The following GABRB1 variants were observed in gnomAD, a reference collection of about 807,000 sequenced individuals.
GABRB1 encodes the protein gamma-aminobutyric acid receptor subunit beta-1.
In GABRB1, 17 loss-of-function variants were observed where a neutral mutation model predicts 51.6. The ratio of observed to expected loss-of-function variants is 0.33; its 90% CI spans 0.23 to 0.49. The LOEUF (loss-of-function observed/expected upper bound fraction) is 0.49, where lower values mean the gene tolerates loss of function less well. Among genes scored for constraint, GABRB1 ranks in the 20% least tolerant of loss-of-function variants. GABRB1 has a pLI of 0.99. For synonymous variants in GABRB1, 247 were observed against 218.9 expected, an observed-to-expected ratio of 1.13 and a Z score of -1.14; for missense variants, 410 against 600.6, an observed-to-expected ratio of 0.68 and a Z score of 3.32.
At position 46,999,452 on chromosome 4, in the gene GABRB1, T is replaced by A. The variant is rs954158673; in HGVS notation, c.-20+5526T>A. On this transcript the variant is annotated intron_variant, in intron 1 of 3. Transcript: ENST00000513567. The stretch of plus-strand genomic sequence containing the variant: ...GACATCTAAAATATGTTACGTTGTT[T>A]GTAATAGTGGAAACTTAGAAACAAA... 2.0e-5 allele frequency among the ~76,000 whole-genome samples: 3 copies of A among 152,208 alleles called. No individual in the cohort carries two copies. The South Asian group carries it at 6.2e-4, about 31-fold the overall frequency.
In GABRB1 at chr4:47,383,490, T is replaced by TA. The variant is rs201254882; in HGVS notation, c.545-19818dup. On this transcript the variant is annotated intron_variant, in intron 5 of 8. Coordinates refer to ENST00000295454, the MANE Select transcript of GABRB1 (RefSeq NM_000812.4). ...TGAGACTAAAATGATAGATTATACCTAAAAAAAAAATCAGGGACTAGGCAA... is the reference window on the plus strand; with the variant it reads ...TGAGACTAAAATGATAGATTATACCTAAAAAAAAAAATCAGGGACTAGGCAA... Among the ~76,000 whole-genome samples the TA allele has an allele frequency of 6.7e-4, 100 of 149,002 alleles. No homozygotes were observed. The South Asian group carries it at 8.3e-3, about 12-fold the overall frequency.
intron 8 of GABRB1, among the ~76,000 whole-genome samples, chr4:47,417,454 C>T (rs547587712): frequency 6.6e-6 from 1 of 151,922 alleles, no homozygotes; most frequent in East Asian, 1.9e-4. Flanking sequence ...ATCTCCTCCC[C>T]CCGAGAAAAG....
intron 4 of GABRB1, among the ~76,000 whole-genome samples, chr4:47,304,182 T>C (rs34112464): frequency 0.21 from 32,247 of 151,898 alleles, 4,371 homozygotes; most frequent in Middle Eastern, 0.39. Flanking sequence ...CAGGATCATA[T>C]GGTAGTTCTA....
chr4:47,030,976 G>T (rs1480443046), upstream of GABRB1, among the ~76,000 whole-genome samples: 3 of 152,090 alleles, frequency 2.0e-5, no homozygotes, highest in Non-Finnish European at 4.4e-5. Context: ...AGAAAAGTTG[G>T]CTTGCCCCTC....
At chr4:47,298,753 G>A (rs1724117957) in intron 4 of GABRB1, among the ~76,000 whole-genome samples, 1 of 152,054 alleles carries the variant, frequency 6.6e-6, no homozygotes, top group South Asian at 2.1e-4. Context: ...AAGTTCATAT[G>A]GAAACAAAAA....
intron 4 of GABRB1, among the ~76,000 whole-genome samples, chr4:47,312,966 A>G (rs1724758544): frequency 6.6e-6 from 1 of 152,178 alleles, no homozygotes; most frequent in South Asian, 2.1e-4. Flanking sequence ...CATTAAATAT[A>G]CATGATTTGC....
intron 5 of GABRB1, among the ~76,000 whole-genome samples, chr4:47,403,075 G>A (rs1018325756): frequency 2.6e-5 from 4 of 152,166 alleles, no homozygotes; most frequent in African/African-American, 9.7e-5. Flanking sequence ...TTGCAGCAAT[G>A]ACATCAGATA....
At chr4:47,416,956 A>T (rs1307280921) in intron 8 of GABRB1, among the ~76,000 whole-genome samples, 2 of 152,200 alleles carry the variant, frequency 1.3e-5, no homozygotes, top group South Asian at 2.1e-4. Flanking sequence ...AAAATTTTTT[A>T]AAAAAGAAAA....
intron 4 of GABRB1, among the ~76,000 whole-genome samples, chr4:47,289,569 G>T (rs1350401181): frequency 2.0e-5 from 3 of 152,144 alleles, no homozygotes; most frequent in African/African-American, 7.2e-5. Flanking sequence ...TTTGATTTCT[G>T]CTCACCATGG....
At chr4:47,252,411 G>C (rs1386762343) in intron 4 of GABRB1, among the ~76,000 whole-genome samples, 3 of 151,868 alleles carry the variant, frequency 2.0e-5, no homozygotes, top group Admixed American at 6.6e-5. Flanking sequence ...TCCTTCAGAG[G>C]GTCTGTGGGT....
At chr4:47,182,582 G>T (rs185539183) in intron 4 of GABRB1, among the ~76,000 whole-genome samples, 1 of 151,928 alleles carries the variant, frequency 6.6e-6, no homozygotes, top group Non-Finnish European at 1.5e-5. Context: ...TAATTATTCT[G>T]GTCCTTCTCT....
Position 47,008,852 on chromosome 4 carries a change from CCTTTTT to C in GABRB1, c.-20+14927_-20+14932del, listed in dbSNP as rs1263062108. Among the ~76,000 whole-genome samples, 76 of 56,478 alleles carry C rather than the reference CCTTTTT, an allele frequency of 1.3e-3. 19 individuals carry two copies. Among genetic ancestry groups the C allele is most frequent in the South Asian group, 7.0e-3 (9 of 1,294 alleles). The allele number at this position is 56,478 out of a possible 152,430, so 37.1% of individuals were successfully genotyped here. A position where few individuals can be genotyped will look rare whatever the true frequency, so the allele number is the denominator to read the frequency against. Reference sequence around the variant, plus strand: ...CACCCTGTCACGCTATCAGATACTACCTTTTTTTTTTTTTTTTTTTTTTTTTTTTTG... The same window carrying C: ...CACCCTGTCACGCTATCAGATACTACTTTTTTTTTTTTTTTTTTTTTTTTG... On this transcript the variant is annotated intron_variant, in intron 1 of 3. Coordinates refer to the GABRB1 transcript ENST00000513567.
chr4:47,011,418 C>T (rs1577822992), intron 1 of GABRB1, among the ~76,000 whole-genome samples: 1 of 152,206 alleles, frequency 6.6e-6, no homozygotes, highest in East Asian at 1.9e-4. Context: ...CTGAGGACTT[C>T]TACCTTGGGT....
At chr4:47,270,084 G>T (rs73247690) in intron 4 of GABRB1, among the ~76,000 whole-genome samples, 3 of 152,016 alleles carry the variant, frequency 2.0e-5, no homozygotes, top group Admixed American at 6.6e-5. Flanking sequence ...TGTCCAGTTC[G>T]CCTTTGGATT....
At chr4:47,315,259 C>T (rs867371476) in intron 4 of GABRB1, among the ~76,000 whole-genome samples, 8 of 151,896 alleles carry the variant, frequency 5.3e-5, no homozygotes, top group East Asian at 3.9e-4. Flanking sequence ...AAGACATACA[C>T]GCATCCAACA....
At chr4:47,134,484 T>C (rs1716555996) in intron 3 of GABRB1, among the ~76,000 whole-genome samples, 1 of 152,068 alleles carries the variant, frequency 6.6e-6, no homozygotes, top group Non-Finnish European at 1.5e-5. Context: ...ATTTCAAATA[T>C]TAATGAGAGG....
chr4:47,407,671 G>A (rs908664501), intron 8 of GABRB1, among the ~76,000 whole-genome samples: 1 of 152,110 alleles, frequency 6.6e-6, no homozygotes, highest in Non-Finnish European at 1.5e-5. Context: ...GTTCATTTAG[G>A]CACTGTTCTA....
chr4:47,378,352 G>A (rs959880780), intron 5 of GABRB1, among the ~76,000 whole-genome samples: 1 of 152,300 alleles, frequency 6.6e-6, no homozygotes, highest in African/African-American at 2.4e-5. Flanking sequence ...CTCCAAGTGC[G>A]GGGCTTGCCA....
At chr4:47,119,241 A>C (rs936539746) in intron 3 of GABRB1, among the ~76,000 whole-genome samples, 1 of 152,112 alleles carries the variant, frequency 6.6e-6, no homozygotes, top group Non-Finnish European at 1.5e-5. Flanking sequence ...ATACAATAAA[A>C]TAAAATTATA....
Sources: gnomAD v4.1 joint callset for allele counts (sites outside exome capture counted in the v4.1 genomes callset) on GRCh38, gnomAD v4.1.1 for gene constraint, MANE v1.5 for transcripts, NCBI Gene and HGNC (gene_info 2026-07-23, HGNC 2026-07-21) for gene names.